The following THSD7A variants were observed in gnomAD, a reference collection of about 807,000 sequenced individuals.
THSD7A encodes the protein thrombospondin type 1 domain containing 7A, also known as thrombospondin type-1 domain-containing protein 7A.
Under a neutral mutation model 231.3 loss-of-function variants are expected in THSD7A, and 96 were observed. That is an observed-to-expected ratio of 0.41 (90% confidence interval 0.35 to 0.49). The LOEUF (loss-of-function observed/expected upper bound fraction) is 0.49. Ranked by LOEUF, THSD7A falls within the 20% of genes least tolerant of loss-of-function variation. The pLI is 0.05. For synonymous variants in THSD7A, 940 were observed against 743.3 expected, an observed-to-expected ratio of 1.26 and a Z score of -4.30; for missense variants, 2,290 against 2,070.2, an observed-to-expected ratio of 1.11 and a Z score of -2.06.
At chr7:11,519,533 C>A (rs192016648) in intron 6 of THSD7A, among the ~76,000 whole-genome samples, 64 of 152,340 alleles carry the variant, frequency 4.2e-4, no homozygotes, top group African/African-American at 1.5e-3. Context: ...AGTTCTCTTG[C>A]TCCACATCCT....
rs556557854 is a variant in THSD7A, at chr7:11,377,861, CTTTTTT to C, written c.4801+1203_4802-1205del. On this transcript the variant is annotated intron_variant, in intron 26 of 27. Coordinates refer to ENST00000423059, the MANE Select transcript of THSD7A (RefSeq NM_015204.3). The surrounding 1 kb of genome is among the most constrained non-coding windows in gnomAD (Gnocchi z 4.5). Reference sequence around the variant, plus strand: ...AATTTAAAATAATGACAATAATATTCTTTTTTTTTTCAAAAGGACTGGTTTTGATCT... The same window carrying C: ...AATTTAAAATAATGACAATAATATTCTTTTCAAAAGGACTGGTTTTGATCT... 6.8e-6 allele frequency: 1 copy of C among 148,034 alleles called. No homozygotes were observed. Among genetic ancestry groups the C allele is most frequent in the African/African-American group, 2.5e-5 (1 of 40,354 alleles). 9.2% of individuals were successfully genotyped at this position (148,034 alleles called of 1,614,324 possible). A position where few individuals can be genotyped will look rare whatever the true frequency, so the allele number is the denominator to read the frequency against.
chr7:11,578,600 T>C (rs771668967), intron 4 of THSD7A, among the ~76,000 whole-genome samples: 127 of 152,300 alleles, frequency 8.3e-4, no homozygotes, highest in Non-Finnish European at 1.4e-3. Flanking sequence ...GAATAGAATA[T>C]AATCATATGA....
intron 1 of THSD7A, among the ~76,000 whole-genome samples, chr7:11,695,018 C>T (rs4721004): frequency 0.14 from 20,571 of 151,380 alleles, 1,679 homozygotes; most frequent in African/African-American, 0.23. Flanking sequence ...AGCAATAATC[C>T]TGCAGCCAGA....
chr7:11,806,747 A>G lies in THSD7A; in HGVS notation c.190+25010T>C, dbSNP rs559919908. Among the ~76,000 whole-genome samples, 17 of 152,288 alleles carry G rather than the reference A, an allele frequency of 1.1e-4. No homozygotes were observed. In the South Asian group the frequency reaches 2.9e-3, roughly 26 times the overall value. On this transcript the variant is annotated intron_variant, in intron 1 of 27. Coordinates refer to ENST00000423059, the MANE Select transcript of THSD7A (RefSeq NM_015204.3). ...AAGCAGGTAGAAAAGGTTCATGGAC[A>G]CTGGGTAGTGAGCCAAAGCTGGAGG...
intron 4 of THSD7A, among the ~76,000 whole-genome samples, chr7:11,566,302 G>A (rs1034079300): frequency 1.2e-4 from 19 of 152,326 alleles, no homozygotes; most frequent in African/African-American, 4.3e-4. Flanking sequence ...GGGGTTTGGG[G>A]AGAGAGGTAG....
intron 1 of THSD7A, among the ~76,000 whole-genome samples, chr7:11,813,223 A>C (rs1416802373): frequency 6.6e-6 from 1 of 152,194 alleles, no homozygotes; most frequent in African/African-American, 2.4e-5. Context: ...ACTTGTTGGC[A>C]TCCTACTAAG....
At chr7:11,744,974 G>C (rs1006528696) in intron 1 of THSD7A, among the ~76,000 whole-genome samples, 1 of 151,826 alleles carries the variant, frequency 6.6e-6, no homozygotes, top group African/African-American at 2.4e-5. Flanking sequence ...GGGATGGCTG[G>C]GTCAAATGGT....
chr7:11,595,235 G>A lies in THSD7A; in HGVS notation c.1023-1733C>T, dbSNP rs192226560. Among the ~76,000 whole-genome samples, 350 of 152,294 alleles carry A rather than the reference G, an allele frequency of 2.3e-3. 3 individuals are homozygous for A. The highest frequency in any genetic ancestry group is 8.2e-3 in the African/African-American group (342 of 41,562). On this transcript the variant is annotated intron_variant, in intron 2 of 27. Transcript: ENST00000423059. ...ACTAAAGTCCTGGCAGGCCCCTAGAGGTGGGGTTGACAGTGTGACCCATGA... is the reference window on the plus strand; with the variant it reads ...ACTAAAGTCCTGGCAGGCCCCTAGAAGTGGGGTTGACAGTGTGACCCATGA...
intron 1 of THSD7A, among the ~76,000 whole-genome samples, chr7:11,735,999 T>C (rs887995796): frequency 6.6e-6 from 1 of 151,918 alleles, no homozygotes; most frequent in African/African-American, 2.4e-5. Flanking sequence ...AAATATGTTG[T>C]TTTAGATACC....
chr7:11,776,889 C>A (rs1449375990), intron 1 of THSD7A, among the ~76,000 whole-genome samples: 1 of 152,114 alleles, frequency 6.6e-6, no homozygotes, highest in African/African-American at 2.4e-5. Flanking sequence ...AAATTTAAGG[C>A]ATTTCAGCCA....
intron 2 of THSD7A, among the ~76,000 whole-genome samples, chr7:11,612,216 G>A (rs371131219): frequency 8.5e-5 from 13 of 152,164 alleles, no homozygotes; most frequent in African/African-American, 2.6e-4. Context: ...ATGACTGACC[G>A]TGACAGTGTA....
intron 6 of THSD7A, among the ~76,000 whole-genome samples, chr7:11,504,334 G>A (rs1268704199): frequency 2.0e-5 from 3 of 152,098 alleles, no homozygotes; most frequent in African/African-American, 7.2e-5. Flanking sequence ...AGGAAGGAGA[G>A]GAGCAGAAAA....
At chr7:11,513,287 T>C (rs1787894647) in intron 6 of THSD7A, among the ~76,000 whole-genome samples, 1 of 151,700 alleles carries the variant, frequency 6.6e-6, no homozygotes, top group Admixed American at 6.6e-5. Flanking sequence ...AAACACCACC[T>C]GTATCCCAAT....
chr7:11,432,274 C>T (rs1288357775), intron 13 of THSD7A, among the ~76,000 whole-genome samples: 3 of 151,720 alleles, frequency 2.0e-5, no homozygotes, highest in East Asian at 3.9e-4. Context: ...ACAGACAGAA[C>T]CAAAAAAAAT....
chr7:11,769,153 A>ATATATATAT lies in THSD7A; in HGVS notation c.190+62603_190+62604insATATATATA. 1.5e-3 allele frequency among the ~76,000 whole-genome samples: 41 copies of ATATATATAT among 27,644 alleles called. 1 individual carries two copies. Among genetic ancestry groups the ATATATATAT allele is most frequent in the East Asian group, 3.0e-3 (4 of 1,344 alleles). The allele number at this position is 27,644 out of a possible 152,430, so 18.1% of individuals were successfully genotyped here. Reference sequence around the variant, plus strand: ...TATATATATATATATATATATATATATTTTTTTTTTTTTTTGGTATTTTTG... The same window carrying ATATATATAT: ...TATATATATATATATATATATATATATATATATATTTTTTTTTTTTTTTTGGTATTTTTG... On this transcript the variant is annotated intron_variant, in intron 1 of 27. Coordinates refer to ENST00000423059, the MANE Select transcript of THSD7A (RefSeq NM_015204.3).
At position 11,518,145 on chromosome 7, in the gene THSD7A, A is replaced by T. The variant is rs974344396; in HGVS notation, c.1822+23274T>A. ...GCATAGTAGGTATTTAAAAAATGTTAGTGCTTGTTTGTTAACCCCTTGCTT... is the reference window on the plus strand; with the variant it reads ...GCATAGTAGGTATTTAAAAAATGTTTGTGCTTGTTTGTTAACCCCTTGCTT... On this transcript the variant is annotated intron_variant, in intron 6 of 27. Coordinates refer to ENST00000423059, the MANE Select transcript of THSD7A (RefSeq NM_015204.3). 1.3e-5 allele frequency among the ~76,000 whole-genome samples: 2 copies of T among 152,190 alleles called. 1 individual carries two copies. The highest frequency in any genetic ancestry group is 4.1e-4 in the South Asian group (2 of 4,826).
Position 11,679,596 on chromosome 7 carries a change from T to C in THSD7A, c.191-42635A>G, listed in dbSNP as rs964744891. 3.9e-5 allele frequency among the ~76,000 whole-genome samples: 6 copies of C among 152,176 alleles called. No homozygotes were observed. In the South Asian group the frequency reaches 1.0e-3, roughly 26 times the overall value. On this transcript the variant is annotated intron_variant, in intron 1 of 27. Transcript: ENST00000423059. ...ATCATAAGCAAACTCCCATTCACAATTGCTACAAAGAGAATAAAATACCTA... is the reference window on the plus strand; with the variant it reads ...ATCATAAGCAAACTCCCATTCACAACTGCTACAAAGAGAATAAAATACCTA...
At chr7:11,623,540 G>T (rs1007399614) in intron 2 of THSD7A, among the ~76,000 whole-genome samples, 16 of 152,008 alleles carry the variant, frequency 1.1e-4, no homozygotes, top group African/African-American at 3.9e-4. Flanking sequence ...TAAAAGAAAA[G>T]AATGCTATGC....
At chr7:11,693,301 T>C (rs549474849) in intron 1 of THSD7A, among the ~76,000 whole-genome samples, 2 of 151,642 alleles carry the variant, frequency 1.3e-5, no homozygotes, top group South Asian at 4.1e-4. Context: ...ATCTAGTAAA[T>C]TTACACATCT....
Sources: gnomAD v4.1 joint callset for allele counts (sites outside exome capture counted in the v4.1 genomes callset) on GRCh38, gnomAD v4.1.1 for gene constraint, Gnocchi (gnomAD v3.1) non-coding constraint, MANE v1.5 for transcripts, NCBI Gene and HGNC (gene_info 2026-07-23, HGNC 2026-07-21) for gene names.